SMARCAD1: variants seen among roughly 807,000 people sequenced by gnomAD.
The protein encoded by SMARCAD1 is SNF2 related chromatin remodeling ATPase with DExD box 1, also known as SWI/SNF-related matrix-associated actin-dependent regulator of chromatin subfamily A containing DEAD/H box 1.
A neutral mutation model predicts 127.1 loss-of-function variants in SMARCAD1; 25 were observed. That is an observed-to-expected ratio of 0.20 (90% CI 0.14 to 0.27). The LOEUF (loss-of-function observed/expected upper bound fraction) is 0.27, where lower values mean the gene tolerates loss of function less well. Among genes scored for constraint, SMARCAD1 ranks in the 10% least tolerant of loss-of-function variants. The probability of loss-of-function intolerance (pLI) is 1.00; values close to 1 mark genes in which losing one functional copy is unlikely to be tolerated. For synonymous variants in SMARCAD1, 400 were observed against 396.9 expected, an observed-to-expected ratio of 1.01 and a Z score of -0.09; for missense variants, 807 against 1,206.0, an observed-to-expected ratio of 0.67 and a Z score of 4.90.
intron 2 of SMARCAD1, among the ~76,000 whole-genome samples, chr4:94,211,784 T>C (rs1218835409): frequency 6.6e-6 from 1 of 152,238 alleles, no homozygotes. Context: ...CCTGCTGATA[T>C]TTGCATATGA....
Position 94,223,919 on chromosome 4 carries a change from A to C in SMARCAD1, c.191-2200A>C, listed in dbSNP as rs114217434. Among the ~76,000 whole-genome samples the C allele has an allele frequency of 3.5e-3, 525 of 152,054 alleles. 4 individuals are homozygous for C. The highest frequency in any genetic ancestry group is 0.012 in the African/African-American group (505 of 41,452). ...CTGAAGTGTCAGAAAGTAGGACTTT[A>C]TTGTTAAAGTGTTCAATTGACAGGC... On this transcript the variant is annotated intron_variant, in intron 2 of 23. Transcript: ENST00000354268.
chr4:94,291,184 A>ATTG lies in SMARCAD1; in HGVS notation c.*1662_*1664dup, dbSNP rs751120943. 10 of 446,034 alleles carry ATTG rather than the reference A, an allele frequency of 2.2e-5. No homozygotes were observed. Among genetic ancestry groups the ATTG allele is most frequent in the Admixed American group, 1.4e-4 (5 of 35,972 alleles). The allele number at this position is 446,034 out of a possible 1,614,324, so 27.6% of individuals were successfully genotyped here. On this transcript the variant is annotated 3_prime_UTR_variant, in exon 24 of 24. Transcript: ENST00000354268. Reference sequence around the variant, plus strand: ...ATAGGCTGTTTCTTTTTTTGTTGTTATTGTTGTTGTTGTTATATCCATACT... The same window carrying ATTG: ...ATAGGCTGTTTCTTTTTTTGTTGTTATTGTTGTTGTTGTTGTTATATCCATACT...
chr4:94,252,593 C>T, intron 8 of SMARCAD1, 23 bp from the exon 9 acceptor site: 1 of 1,450,542 alleles, frequency 6.9e-7, no homozygotes, highest in South Asian at 1.4e-5. Flanking sequence ...AATTTAGTTA[C>T]TGTTTTTGTC....
In SMARCAD1 at chr4:94,226,253, A is replaced by G; in HGVS notation, c.325A>G (p.Thr109Ala). 1 of 1,613,390 alleles carries G rather than the reference A, an allele frequency of 6.2e-7. No individual in the cohort carries two copies. The highest frequency in any genetic ancestry group is 8.5e-7 in the Non-Finnish European group (1 of 1,179,464). ...TGTCGTTTCCCCAAATTGCTCCAAT[A>G]CAGTTCAAGAGAAAACATTCAACAA... Reference protein sequence around the residue: ...EDVVSPNCSNTVQEKTFNKDT... With the variant: ...EDVVSPNCSNAVQEKTFNKDT... Residue 109 changes from threonine (T) to alanine (A), a missense_variant, in exon 3 of 24, where the codon ACA becomes GCA. Physicochemically the swap from Thr to Ala is moderately conservative, Grantham distance 58. Around this residue, in one of 8 missense-constraint regions of SMARCAD1, gnomAD observed 175 missense variants for 169.5 expected, o/e 1.03. Coordinates refer to ENST00000354268, the MANE Select transcript of SMARCAD1 (RefSeq NM_020159.5).
intron 23 of SMARCAD1, 99 bp downstream of exon 23, chr4:94,285,168 C>G (rs1754753100): frequency 7.5e-6 from 6 of 799,990 alleles, no homozygotes; most frequent in Admixed American, 5.7e-5. Context: ...CCTTAACTAG[C>G]TTACAGTTTA....
At chr4:94,225,645 C>T (rs796411380) in intron 2 of SMARCAD1, among the ~76,000 whole-genome samples, 18 of 152,290 alleles carry the variant, frequency 1.2e-4, no homozygotes, top group African/African-American at 4.1e-4. Flanking sequence ...GGGATGCTGG[C>T]TATGTGCCAA....
Position 94,208,547 on chromosome 4 carries a change from G to A in SMARCAD1, c.153G>A (p.Arg51=). 1 of 1,613,998 alleles carries A rather than the reference G, an allele frequency of 6.2e-7. No individual in the cohort carries two copies. ...AGAATGCTGAAGGGGAAGTTAGCAG[G>A]GCAAACACTCCTGATTCAGATATAA... ...EEENAEGEVS[R]ANTPDSDITE... Residue 51 remains arginine (R), a synonymous_variant, in exon 2 of 24, where the codon AGG becomes AGA. Coordinates refer to ENST00000354268, the MANE Select transcript of SMARCAD1 (RefSeq NM_020159.5).
intron 4 of SMARCAD1, 140 bp from the exon 5 acceptor site, chr4:94,236,812 A>G (rs1485452077): frequency 4.3e-6 from 3 of 701,904 alleles, no homozygotes; most frequent in East Asian, 5.5e-5. Context: ...AATTTATCAT[A>G]GGACTTAATG....
chr4:94,271,635 G>A (rs1296548740), intron 11 of SMARCAD1, among the ~76,000 whole-genome samples: 1 of 152,110 alleles, frequency 6.6e-6, no homozygotes, highest in Non-Finnish European at 1.5e-5. Flanking sequence ...TTAAAACACA[G>A]ATACTGTTTA....
intron 6 of SMARCAD1, among the ~76,000 whole-genome samples, chr4:94,247,214 G>A (rs1016079171): frequency 4.6e-5 from 7 of 152,146 alleles, no homozygotes; most frequent in Non-Finnish European, 8.8e-5. Flanking sequence ...GATATAGTAT[G>A]GGATTTCTGC....
At position 94,290,873 on chromosome 4, in the gene SMARCAD1, G is replaced by C. The variant is rs1219416542; in HGVS notation, c.*1339G>C. 4 of 450,392 alleles carry C rather than the reference G, an allele frequency of 8.9e-6. No homozygotes were observed. Among genetic ancestry groups the C allele is most frequent in the Non-Finnish European group, 1.8e-5 (4 of 225,186 alleles). 27.9% of individuals were successfully genotyped at this position (450,392 alleles called of 1,614,324 possible). A position where few individuals can be genotyped will look rare whatever the true frequency, so the allele number is the denominator to read the frequency against. ...TTTTCAAAGCATCCTAACTTGCTAA[G>C]ATGCTAGGTAGTACGACCCTCTGGA... On this transcript the variant is annotated 3_prime_UTR_variant, in exon 24 of 24. Coordinates refer to ENST00000354268, the MANE Select transcript of SMARCAD1 (RefSeq NM_020159.5).
chr4:94,273,557 T>C (rs1752846116), intron 11 of SMARCAD1, 60 bp from the exon 12 acceptor site: 1 of 1,229,658 alleles, frequency 8.1e-7, no homozygotes. Flanking sequence ...CTTCTGTATT[T>C]TTATGTATTT....
chr4:94,208,917 G>A (rs1226671392), intron 2 of SMARCAD1, among the ~76,000 whole-genome samples: 1 of 152,150 alleles, frequency 6.6e-6, no homozygotes, highest in African/African-American at 2.4e-5. Flanking sequence ...AGGCTATTTG[G>A]GCAGACATTT....
chr4:94,262,456 T>G (rs1400269714), intron 9 of SMARCAD1, among the ~76,000 whole-genome samples: 1 of 152,314 alleles, frequency 6.6e-6, no homozygotes, highest in Non-Finnish European at 1.5e-5. Context: ...CTCAAAGCCT[T>G]CTTAATAGTT....
In SMARCAD1 at chr4:94,252,898, A is replaced by G; in HGVS notation, c.1172A>G (p.His391Arg). Residue 391 changes from histidine to arginine, a missense_variant, in exon 9 of 24, where the codon CAC becomes CGC. Physicochemically the swap from His to Arg is conservative, Grantham distance 29 (BLOSUM62 0). This residue lies in a region of SMARCAD1 where 257 missense variants were observed against 303.4 expected (regional missense o/e 0.85). Transcript: ENST00000354268. ...MEDGYKGKIL[H>R]FLQDASIGEL... ...GATGGCTATAAAGGTAAAATTCTTCACTTCCTTCAAGATGCTTCAATTGGT... is the reference window on the plus strand; with the variant it reads ...GATGGCTATAAAGGTAAAATTCTTCGCTTCCTTCAAGATGCTTCAATTGGT... The G allele has an allele frequency of 6.2e-7, 1 of 1,614,078 alleles. No individual in the cohort carries two copies. Among genetic ancestry groups the G allele is most frequent in the South Asian group, 1.1e-5 (1 of 91,078 alleles).
At chr4:94,288,063 ATTTG>A (rs1755203575) in intron 23 of SMARCAD1, among the ~76,000 whole-genome samples, 2 of 152,034 alleles carry the variant, frequency 1.3e-5, no homozygotes, top group Non-Finnish European at 2.9e-5. Flanking sequence ...CAGTTGTGAC[ATTTG>A]CAGTGTTTGT....
intron 3 of SMARCAD1, among the ~76,000 whole-genome samples, chr4:94,228,640 A>G (rs1745380270): frequency 6.6e-6 from 1 of 152,130 alleles, no homozygotes; most frequent in South Asian, 2.1e-4. Flanking sequence ...CAGTGAAAAA[A>G]AAAAAACAGC....
intron 2 of SMARCAD1, among the ~76,000 whole-genome samples, chr4:94,216,610 A>T (rs1743240765): frequency 6.6e-6 from 1 of 151,776 alleles, no homozygotes; most frequent in Non-Finnish European, 1.5e-5. Context: ...TTGAACAACT[A>T]CTCCTCATTT....
At chr4:94,253,083 C>T in intron 9 of SMARCAD1, 76 bp downstream of exon 9, 1 of 1,597,774 alleles carries the variant, frequency 6.3e-7, no homozygotes, top group Non-Finnish European at 8.5e-7. Flanking sequence ...GTCAAGTTGT[C>T]TTCAGCCCAG....
Sources: gnomAD v4.1 joint callset for allele counts (sites outside exome capture counted in the v4.1 genomes callset) on GRCh38, gnomAD v4.1.1 for gene constraint, gnomAD v4.1.1 regional missense constraint, MANE v1.5 for transcripts, NCBI Gene and HGNC (gene_info 2026-07-23, HGNC 2026-07-21) for gene names.